Variants in SLC39A11 observed in about 807,000 individuals in gnomAD.
The protein encoded by SLC39A11 is zinc transporter ZIP11.
A neutral mutation model predicts 36.1 loss-of-function variants in SLC39A11; 33 were observed. The ratio of observed to expected loss-of-function variants is 0.91; its 90% CI spans 0.69 to 1.22. The LOEUF (loss-of-function observed/expected upper bound fraction) is 1.22, where lower values mean the gene tolerates loss of function less well. Ranked by LOEUF, SLC39A11 falls within the 50% of genes most tolerant of loss-of-function variation. The pLI is 0.00. For missense variants in SLC39A11, 432 were observed against 430.3 expected (o/e 1.00, Z -0.03); for synonymous variants, 166 against 170.3 (o/e 0.97, Z 0.20).
At chr17:72,979,689 T>G (rs569692904) in intron 4 of SLC39A11, among the ~76,000 whole-genome samples, 1 of 152,248 alleles carries the variant, frequency 6.6e-6, no homozygotes, top group African/African-American at 2.4e-5. Flanking sequence ...GAGGCTGCTC[T>G]GCAGAGCTCA....
intron 6 of SLC39A11, among the ~76,000 whole-genome samples, chr17:72,811,790 TG>T (rs1350908631): frequency 6.6e-6 from 1 of 152,232 alleles, no homozygotes; most frequent in East Asian, 1.9e-4. Flanking sequence ...ACCAGACACA[TG>T]ATTTCTCTGC....
intron 5 of SLC39A11, among the ~76,000 whole-genome samples, chr17:72,934,126 AG>A (rs1185735378): frequency 6.6e-6 from 1 of 151,990 alleles, no homozygotes; most frequent in Non-Finnish European, 1.5e-5. Flanking sequence ...TAAAACTTTT[AG>A]AAAAAAAAAA....
At chr17:72,798,793 T>G (rs188811369) in intron 6 of SLC39A11, among the ~76,000 whole-genome samples, 31 of 152,106 alleles carry the variant, frequency 2.0e-4, no homozygotes, top group African/African-American at 7.5e-4. Flanking sequence ...ACCATCACAC[T>G]GGGGGCTAAG....
At chr17:73,060,326 C>T (rs906028295) in intron 3 of SLC39A11, among the ~76,000 whole-genome samples, 2 of 150,356 alleles carry the variant, frequency 1.3e-5, no homozygotes, top group East Asian at 1.9e-4. Context: ...ATGAAGACTG[C>T]GTTCTACCAA....
rs2146323137 is a variant in SLC39A11, at chr17:72,867,896, C to T, written c.431-18092G>A. 2.0e-5 allele frequency among the ~76,000 whole-genome samples: 3 copies of T among 152,226 alleles called. No individual in the cohort carries two copies. In the East Asian group the frequency reaches 5.8e-4, roughly 29 times the overall value. ...GAGATGACCCTAGTGCCTTGGGATCCTACATAAGCAAACCAAAACCCAACT... is the reference window on the plus strand; with the variant it reads ...GAGATGACCCTAGTGCCTTGGGATCTTACATAAGCAAACCAAAACCCAACT... On this transcript the variant is annotated intron_variant, in intron 5 of 9. Transcript: ENST00000255559.
At chr17:72,869,576 G>A (rs779932978) in intron 5 of SLC39A11, among the ~76,000 whole-genome samples, 9 of 151,682 alleles carry the variant, frequency 5.9e-5, no homozygotes, top group Non-Finnish European at 1.0e-4. Flanking sequence ...TTTTAGTAGA[G>A]ACCATGTTGG....
chr17:72,750,513 T>G (rs1345615886), intron 6 of SLC39A11, among the ~76,000 whole-genome samples: 2 of 152,054 alleles, frequency 1.3e-5, no homozygotes, highest in African/African-American at 2.4e-5. Flanking sequence ...AAGGATTTTT[T>G]TTTTTTAATT....
At chr17:72,857,083 G>C (rs2079684244) in intron 5 of SLC39A11, among the ~76,000 whole-genome samples, 1 of 152,092 alleles carries the variant, frequency 6.6e-6, no homozygotes, top group African/African-American at 2.4e-5. Flanking sequence ...TGTCACCTAG[G>C]TACTAAGCCT....
At chr17:72,670,893 A>C (rs2070993440) in intron 7 of SLC39A11, among the ~76,000 whole-genome samples, 1 of 152,236 alleles carries the variant, frequency 6.6e-6, no homozygotes, top group Non-Finnish European at 1.5e-5. Context: ...AATGGTGTTT[A>C]GGAACAAAGG....
intron 5 of SLC39A11, among the ~76,000 whole-genome samples, chr17:72,911,518 C>T (rs976830861): frequency 4.6e-5 from 7 of 152,248 alleles, no homozygotes; most frequent in Admixed American, 2.6e-4. Flanking sequence ...GTCTGGAGTG[C>T]CCTTACCCTC....
chr17:72,700,293 C>T (rs562263396), intron 7 of SLC39A11, among the ~76,000 whole-genome samples: 8 of 152,304 alleles, frequency 5.3e-5, no homozygotes, highest in East Asian at 1.9e-4. Context: ...TGGGGTGGAG[C>T]GGTCATTTTA....
intron 7 of SLC39A11, among the ~76,000 whole-genome samples, chr17:72,690,667 G>A (rs556055690): frequency 2.0e-5 from 3 of 152,316 alleles, no homozygotes; most frequent in East Asian, 3.9e-4. Flanking sequence ...TGCCCTTTTG[G>A]TTCCCCCAAA....
intron 6 of SLC39A11, among the ~76,000 whole-genome samples, chr17:72,818,402 C>T (rs2077655327): frequency 6.6e-6 from 1 of 152,154 alleles, no homozygotes; most frequent in Non-Finnish European, 1.5e-5. Flanking sequence ...TGTGGACAAG[C>T]ACCTGCAGAT....
At chr17:72,979,044 A>ACGTG (rs2088085616) in intron 4 of SLC39A11, among the ~76,000 whole-genome samples, 1 of 152,176 alleles carries the variant, frequency 6.6e-6, no homozygotes, top group Non-Finnish European at 1.5e-5. Context: ...TGTAAACCCC[A>ACGTG]TAATCACCAC....
At chr17:73,031,408 A>G (rs1352484867) in intron 4 of SLC39A11, 148 bp downstream of exon 4, 2 of 809,268 alleles carry the variant, frequency 2.5e-6, no homozygotes, top group Non-Finnish European at 3.8e-6. Flanking sequence ...ATCACCGATC[A>G]GTTCCTCTAA....
intron 7 of SLC39A11, among the ~76,000 whole-genome samples, chr17:72,723,146 G>A (rs184614812): frequency 2.3e-4 from 35 of 152,288 alleles, no homozygotes; most frequent in Admixed American, 2.0e-3. Flanking sequence ...CATGATGCAC[G>A]TAGAAACTGA....
intron 5 of SLC39A11, among the ~76,000 whole-genome samples, chr17:72,932,458 C>G (rs1044716210): frequency 7.0e-6 from 1 of 143,638 alleles, no homozygotes; most frequent in African/African-American, 2.6e-5. Flanking sequence ...CCACCCCCCA[C>G]AGGCCCCGGT....
At chr17:72,721,787 T>C (rs2073690274) in intron 7 of SLC39A11, among the ~76,000 whole-genome samples, 2 of 152,014 alleles carry the variant, frequency 1.3e-5, no homozygotes, top group Non-Finnish European at 2.9e-5. Context: ...CTGGCTAACA[T>C]GGCAAAACCC....
chr17:72,837,213 A>G (rs372439555), intron 6 of SLC39A11, among the ~76,000 whole-genome samples: 4 of 152,152 alleles, frequency 2.6e-5, no homozygotes, highest in African/African-American at 9.7e-5. Flanking sequence ...CAGATCCTCC[A>G]TATTCCACAC....
Sources: gnomAD v4.1 joint callset for allele counts (sites outside exome capture counted in the v4.1 genomes callset) on GRCh38, gnomAD v4.1.1 for gene constraint, MANE v1.5 for transcripts, NCBI Gene and HGNC (gene_info 2026-07-23, HGNC 2026-07-21) for gene names.